COMTD1: variants seen among roughly 807,000 people sequenced by gnomAD.
The protein encoded by COMTD1 is catechol O-methyltransferase domain-containing protein 1.
Under a neutral mutation model 33.6 loss-of-function variants are expected in COMTD1, and 35 were observed. The ratio of observed to expected loss-of-function variants is 1.04; its 90% CI spans 0.80 to 1.38. The LOEUF (loss-of-function observed/expected upper bound fraction) is 1.38. Among genes scored for constraint, COMTD1 ranks in the 40% most tolerant of loss-of-function variants. The pLI, the probability that COMTD1 is intolerant of heterozygous loss-of-function variation, is 0.00. For synonymous variants in COMTD1, 160 were observed against 176.8 expected, an observed-to-expected ratio of 0.91 and a Z score of 0.75; for missense variants, 370 against 363.4, an observed-to-expected ratio of 1.02 and a Z score of -0.15.
rs767514771 is a variant in COMTD1 at position 75,235,693 on chromosome 10, G to C, written c.145C>G (p.Pro49Ala). ...TACTGCCACAGGCGGCTGTCCTCGG[G>C]GGGAAGCAGGCACTGCTCTCGCCGG... ...RGRREQCLLPPEDSRLWQYLL... is the reference protein window; with the variant it reads ...RGRREQCLLPAEDSRLWQYLL... The change falls in exon 2 of 7, where the codon CCC (proline) becomes GCC (alanine). Residue 49 changes from proline to alanine, a missense_variant. Transcript: ENST00000372538. 1.9e-6 allele frequency: 3 copies of C among 1,597,932 alleles called. No individual in the cohort carries two copies. Among genetic ancestry groups the C allele is most frequent in the South Asian group, 1.1e-5 (1 of 88,652 alleles).
intron 5 of COMTD1, 56 bp from the exon 6 acceptor site, chr10:75,234,799 G>A: frequency 1.3e-6 from 2 of 1,538,190 alleles, no homozygotes; most frequent in Non-Finnish European, 1.7e-6. Flanking sequence ...GCGGCCCTGA[G>A]GCCCCTCCCA....
intron 5 of COMTD1, 83 bp downstream of exon 5, chr10:75,234,855 C>A: frequency 6.5e-7 from 1 of 1,529,854 alleles, no homozygotes; most frequent in Non-Finnish European, 8.8e-7. Context: ...TTAACCTGCC[C>A]GGCAGGCCCA....
chr10:75,234,315 C>A, intron 6 of COMTD1, 90 bp from the exon 7 acceptor site: 1 of 1,362,652 alleles, frequency 7.3e-7, no homozygotes, highest in South Asian at 1.3e-5. Flanking sequence ...GAGGGAGGTG[C>A]CCGGGCGGGA....
chr10:75,235,543 C>T (rs957882272), intron 2 of COMTD1, 73 bp downstream of exon 2: 3 of 1,481,108 alleles, frequency 2.0e-6, no homozygotes, highest in Non-Finnish European at 2.7e-6. Context: ...AGGGCCCAGC[C>T]CAAGGTCACA....
At position 75,234,681 on chromosome 10, in the gene COMTD1, C is replaced by T. The variant is rs769912092; in HGVS notation, c.565G>A (p.Glu189Lys). ...CGCTCGTAGTAGGCGGAGCAGTTCT[C>T]CTTGTCCGCATCCACCACGGCCACG... ...FDVAVVDADK[E>K]NCSAYYERCL... Residue 189 changes from glutamate to lysine, a missense_variant, in exon 6 of 7, where the codon GAG becomes AAG. Glu to Lys is a moderately conservative substitution (Grantham distance 56, BLOSUM62 1). Transcript: ENST00000372538. 2.5e-6 allele frequency: 4 copies of T among 1,587,628 alleles called. No homozygotes were observed. Among genetic ancestry groups the T allele is most frequent in the Non-Finnish European group, 3.4e-6 (4 of 1,167,854 alleles).
At position 75,234,660 on chromosome 10, in the gene COMTD1, C is replaced by T. The variant is rs1354447191; in HGVS notation, c.586G>A (p.Glu196Lys). 1 of 1,575,750 alleles carries T rather than the reference C, an allele frequency of 6.3e-7. No homozygotes were observed. The highest frequency in any genetic ancestry group is 8.6e-7 in the Non-Finnish European group (1 of 1,161,188). Reference sequence around the variant, plus strand: ...GGTCGCAGCAGCTGCAGGCAGCGCTCGTAGTAGGCGGAGCAGTTCTCCTTG... The same window carrying T: ...GGTCGCAGCAGCTGCAGGCAGCGCTTGTAGTAGGCGGAGCAGTTCTCCTTG... ...ADKENCSAYY[E>K]RCLQLLRPGG... The change falls in exon 6 of 7, where the codon GAG becomes AAG. Residue 196 changes from glutamate to lysine, a missense_variant. By Grantham distance (56) the Glu-to-Lys change is moderately conservative (BLOSUM62 1). Coordinates refer to ENST00000372538, the MANE Select transcript of COMTD1 (RefSeq NM_144589.4).
chr10:75,234,506 G>A, intron 6 of COMTD1, 104 bp downstream of exon 6: 4 of 1,444,358 alleles, frequency 2.8e-6, no homozygotes, highest in South Asian at 2.9e-5. Context: ...TGTAGCCTAC[G>A]TGACTGGACT....
At chr10:75,235,530 G>A (rs549869111) in intron 2 of COMTD1, 86 bp downstream of exon 2, 4 of 1,436,704 alleles carry the variant, frequency 2.8e-6, no homozygotes, top group Non-Finnish European at 3.7e-6. Context: ...CCCAGGGAGG[G>A]CCAGGGCCCA....
Position 75,234,693 on chromosome 10 carries a change from C to T in COMTD1, c.553G>A (p.Asp185Asn), listed in dbSNP as rs1842163127. 1 of 1,591,480 alleles carries T rather than the reference C, an allele frequency of 6.3e-7. No individual in the cohort carries two copies. The highest frequency in any genetic ancestry group is 8.5e-7 in the Non-Finnish European group (1 of 1,170,234). Residue 185 changes from aspartate (D) to asparagine (N), a missense_variant, in exon 6 of 7, where the codon GAT becomes AAT. Transcript: ENST00000372538. ...GCGGAGCAGTTCTCCTTGTCCGCAT[C>T]CACCACGGCCACGTCGAAGGTGCCG... ...EAGTFDVAVVDADKENCSAYY... is the reference protein window; with the variant it reads ...EAGTFDVAVVNADKENCSAYY...
At chr10:75,234,586 C>T (rs767833536) in intron 6 of COMTD1, 24 bp downstream of exon 6, 1 of 1,542,922 alleles carries the variant, frequency 6.5e-7, no homozygotes, top group Non-Finnish European at 8.7e-7. Context: ...GGTGCTTTCT[C>T]CTCCCCCGCA....
chr10:75,234,690 C>T lies in COMTD1; in HGVS notation c.556G>A (p.Ala186Thr), dbSNP rs753541760. 30 of 1,590,840 alleles carry T rather than the reference C, an allele frequency of 1.9e-5. No homozygotes were observed. In the East Asian group the frequency reaches 6.0e-4, roughly 32 times the overall value. ...AGTFDVAVVD[A>T]DKENCSAYYE... ...TAGGCGGAGCAGTTCTCCTTGTCCG[C>T]ATCCACCACGGCCACGTCGAAGGTG... The change falls in exon 6 of 7, where the codon GCG becomes ACG. Residue 186 changes from alanine to threonine, a missense_variant. Coordinates refer to ENST00000372538, the MANE Select transcript of COMTD1 (RefSeq NM_144589.4).
chr10:75,234,895 T>C, intron 5 of COMTD1, 43 bp downstream of exon 5: 1 of 1,536,086 alleles, frequency 6.5e-7, no homozygotes, highest in Non-Finnish European at 8.8e-7. Context: ...GCAGCCTCGT[T>C]TGCAATGAAT....
Position 75,234,611 on chromosome 10 carries a change from C to G in COMTD1, c.635G>C (p.Arg212Thr). The change falls in exon 6 of 7, where the codon AGA becomes ACA. Residue 212 changes from arginine to threonine, a missense_variant and splice_region_variant. Coordinates refer to ENST00000372538, the MANE Select transcript of COMTD1 (RefSeq NM_144589.4). ...LRPGGILAVL[R>T]VLWRGKVLQP... ...CCTCCCCCGCAGTGGATCCCTTACT[C>G]TGAGGACGGCGAGGATGCCTCCGGG... The G allele has an allele frequency of 6.4e-7, 1 of 1,561,064 alleles. No homozygotes were observed. Among genetic ancestry groups the G allele is most frequent in the Non-Finnish European group, 8.7e-7 (1 of 1,153,136 alleles).
In COMTD1 at chr10:75,233,864, C is replaced by T; in HGVS notation, c.*209G>A. ...CTGCAGTTGGGCCACAGACCTGGCG[C>T]CAGGGAGGGGACGAATCTCAAGGCC... On this transcript the variant is annotated 3_prime_UTR_variant, in exon 7 of 7. Transcript: ENST00000372538. 7.5e-7 allele frequency: 1 copy of T among 1,338,382 alleles called. No individual in the cohort carries two copies. The highest frequency in any genetic ancestry group is 1.5e-5 in the South Asian group (1 of 65,514). The allele number at this position is 1,338,382 out of a possible 1,614,324, so 82.9% of individuals were successfully genotyped here. A position where few individuals can be genotyped will look rare whatever the true frequency, so the allele number is the denominator to read the frequency against.
At position 75,233,669 on chromosome 10, in the gene COMTD1, G is replaced by C. The variant is rs1231824656; in HGVS notation, c.*404C>G. On this transcript the variant is annotated 3_prime_UTR_variant, in exon 7 of 7. Transcript: ENST00000372538. ...CCTGCAATCCTCTTTCATGTTGTCA[G>C]ACACCAGACGTGGCTCTCTACCAGT... 6.6e-6 allele frequency among the ~76,000 whole-genome samples: 1 copy of C among 152,250 alleles called. No homozygotes were observed. Among genetic ancestry groups the C allele is most frequent in the Admixed American group, 6.5e-5 (1 of 15,292 alleles).
In COMTD1 at chr10:75,233,928, C is replaced by G; in HGVS notation, c.*145G>C. The G allele has an allele frequency of 6.5e-7, 1 of 1,527,302 alleles. No individual in the cohort carries two copies. Among genetic ancestry groups the G allele is most frequent in the Non-Finnish European group, 8.8e-7 (1 of 1,142,382 alleles). 94.6% of individuals were successfully genotyped at this position (1,527,302 alleles called of 1,614,324 possible). A position where few individuals can be genotyped will look rare whatever the true frequency, so the allele number is the denominator to read the frequency against. On this transcript the variant is annotated 3_prime_UTR_variant, in exon 7 of 7. Transcript: ENST00000372538. Reference sequence around the variant, plus strand: ...GCAGGAGCTGTCTGTGCTGGGCCTTCCCTCCCTTCCCCATCCAGCGCCACA... The same window carrying G: ...GCAGGAGCTGTCTGTGCTGGGCCTTGCCTCCCTTCCCCATCCAGCGCCACA...
rs568188497 is a variant in COMTD1, at chr10:75,235,538, C to T, written c.222+78G>A. ...CCGGAAGCCCAGGGAGGGCCAGGGC[C>T]CAGCCCAAGGTCACACAGCCACGTG... On this transcript the variant is annotated intron_variant, in intron 2 of 6. Transcript: ENST00000372538. The T allele has an allele frequency of 1.6e-5, 24 of 1,465,578 alleles. No homozygotes were observed. In the African/African-American group the frequency reaches 3.1e-4, roughly 19 times the overall value. 90.8% of individuals were successfully genotyped at this position (1,465,578 alleles called of 1,614,324 possible). A position where few individuals can be genotyped will look rare whatever the true frequency, so the allele number is the denominator to read the frequency against.
Position 75,233,809 on chromosome 10 carries a change from T to C in COMTD1, c.*264A>G, listed in dbSNP as rs578123467. On this transcript the variant is annotated 3_prime_UTR_variant, in exon 7 of 7. Transcript: ENST00000372538. ...CACGTGGCCAGGCCAGTTAAAACTT[T>C]ATAACCTGCCTCCTGCCAGCTGGAG... Among the ~76,000 whole-genome samples, 1 of 152,150 alleles carries C rather than the reference T, an allele frequency of 6.6e-6. No homozygotes were observed. Among genetic ancestry groups the C allele is most frequent in the Non-Finnish European group, 1.5e-5 (1 of 68,016 alleles).
rs1842145453 is a variant in COMTD1, at chr10:75,233,796, C to T, written c.*277G>A. ...TCTCTGGCCATTACACGTGGCCAGG[C>T]CAGTTAAAACTTTATAACCTGCCTC... On this transcript the variant is annotated 3_prime_UTR_variant, in exon 7 of 7. Transcript: ENST00000372538. 6.6e-6 allele frequency among the ~76,000 whole-genome samples: 1 copy of T among 152,186 alleles called. No individual in the cohort carries two copies. The highest frequency in any genetic ancestry group is 6.5e-5 in the Admixed American group (1 of 15,280).
Sources: gnomAD v4.1 joint callset for allele counts (sites outside exome capture counted in the v4.1 genomes callset) on GRCh38, gnomAD v4.1.1 for gene constraint, MANE v1.5 for transcripts, NCBI Gene and HGNC (gene_info 2026-07-23, HGNC 2026-07-21) for gene names.